Variants in NAA35 observed in about 807,000 individuals in gnomAD.
NAA35 encodes the protein MAK10 homolog, amino-acid N-acetyltransferase subunit.
A neutral mutation model predicts 101.7 loss-of-function variants in NAA35; 18 were observed. The observed-to-expected ratio is 0.18, with a 90% CI of 0.12 to 0.26. The LOEUF is 0.26. NAA35 is among the 10% of genes least tolerant of loss of function. The probability of loss-of-function intolerance (pLI) is 1.00; values close to 1 mark genes in which losing one functional copy is unlikely to be tolerated. For synonymous variants in NAA35, 267 were observed against 273.1 expected (o/e 0.98, Z 0.22); for missense variants, 601 against 886.8 (o/e 0.68, Z 4.09).
intron 3 of NAA35, among the ~76,000 whole-genome samples, chr9:85,957,369 C>G (rs1053312198): frequency 6.6e-6 from 1 of 152,132 alleles, no homozygotes; most frequent in Non-Finnish European, 1.5e-5. Flanking sequence ...GGAAGTTAGT[C>G]TTGCAGTCTC....
At chr9:85,955,549 G>C (rs186365752) in intron 2 of NAA35, among the ~76,000 whole-genome samples, 134 of 151,434 alleles carry the variant, frequency 8.8e-4, no homozygotes, top group African/African-American at 2.4e-3. Context: ...ATTTTTAGTA[G>C]AGATGGGGTT....
intron 21 of NAA35, among the ~76,000 whole-genome samples, chr9:86,020,425 C>A (rs994456687): frequency 2.0e-5 from 3 of 151,940 alleles, no homozygotes; most frequent in African/African-American, 7.3e-5. Flanking sequence ...GTAGCCATTT[C>A]AATTCAGAGT....
At chr9:85,980,459 A>G (rs1285656483) in intron 11 of NAA35, among the ~76,000 whole-genome samples, 1 of 152,090 alleles carries the variant, frequency 6.6e-6, no homozygotes, top group African/African-American at 2.4e-5. Context: ...CAGCACTCGG[A>G]GAGTCTAAGG....
chr9:85,962,091 G>T lies in NAA35; in HGVS notation c.427G>T (p.Asp143Tyr). The T allele has an allele frequency of 6.2e-7, 1 of 1,614,088 alleles. No individual in the cohort carries two copies. The highest frequency in any genetic ancestry group is 1.1e-5 in the South Asian group (1 of 91,086). Residue 143 changes from aspartate to tyrosine, a missense_variant, in exon 6 of 23, where the codon GAT becomes TAT. Physicochemically the swap from Asp to Tyr is radical, Grantham distance 160. This residue lies in a region of NAA35 where 86 missense variants were observed against 169.4 expected (regional missense o/e 0.51). Coordinates refer to ENST00000361671, the MANE Select transcript of NAA35 (RefSeq NM_024635.4). ...CATTCATAATCCAGACTTTATAGAA[G>T]ATCCTGCTATGAAGGCTTTTGCTCT... ...LYIHNPDFIE[D>Y]PAMKAFALGI... is the part of the protein sequence containing the mutation.
At chr9:85,956,868 G>A (rs1011541848) in intron 3 of NAA35, among the ~76,000 whole-genome samples, 6 of 152,150 alleles carry the variant, frequency 3.9e-5, no homozygotes, top group African/African-American at 1.4e-4. Flanking sequence ...GGGCAACTGC[G>A]TCTAGTGAGA....
At chr9:85,941,640 C>T (rs961508069) in intron 1 of NAA35, 12 of 986,434 alleles carry the variant, frequency 1.2e-5, no homozygotes, top group Non-Finnish European at 1.4e-5. Context: ...CGGCGGGACC[C>T]TGCGGTGCCT....
At chr9:85,946,933 A>G (rs1314466593) in intron 2 of NAA35, among the ~76,000 whole-genome samples, 2 of 152,098 alleles carry the variant, frequency 1.3e-5, no homozygotes, top group Non-Finnish European at 2.9e-5. Context: ...AAAACTTGGG[A>G]TTCTTAAGCT....
chr9:86,010,856 C>T (rs1014658586), intron 15 of NAA35, among the ~76,000 whole-genome samples: 5 of 151,354 alleles, frequency 3.3e-5, no homozygotes, highest in South Asian at 2.1e-4. Flanking sequence ...GGATTACAAG[C>T]GTGAGCCACC....
chr9:85,947,676 C>A (rs907573740), intron 2 of NAA35, among the ~76,000 whole-genome samples: 1 of 152,160 alleles, frequency 6.6e-6, no homozygotes, highest in Non-Finnish European at 1.5e-5. Context: ...AAGTACATGC[C>A]AGGTATACTG....
rs1179837402 is a variant in NAA35, at chr9:86,013,856, A to G, written c.1527A>G (p.Glu509=). The G allele has an allele frequency of 1.9e-6, 3 of 1,613,940 alleles. No individual in the cohort carries two copies. The highest frequency in any genetic ancestry group is 2.7e-5 in the African/African-American group (2 of 74,944). Residue 509 remains glutamate, a synonymous_variant, in exon 17 of 23, where the codon GAA becomes GAG. Transcript: ENST00000361671. ...IMIQYLLSGF[E]LELYSMHEYY... ...TACAGTACCTTCTAAGTGGCTTTGA[A>G]TTGGAACTCTACAGTATGCACGAGT...
chr9:86,013,414 AATATT>A (rs1564326764), intron 16 of NAA35, among the ~76,000 whole-genome samples: 1 of 152,184 alleles, frequency 6.6e-6, no homozygotes. Flanking sequence ...CATTATAAAA[AATATT>A]AATACATTAA....
At chr9:85,959,294 T>C (rs191366357) in intron 4 of NAA35, among the ~76,000 whole-genome samples, 82 of 149,678 alleles carry the variant, frequency 5.5e-4, no homozygotes, top group African/African-American at 2.0e-3. Context: ...GAGAATGGCG[T>C]GGACCCGGGA....
Position 86,010,130 on chromosome 9 carries a change from G to C in NAA35, c.1290+199G>C, listed in dbSNP as rs376361526. On this transcript the variant is annotated intron_variant, in intron 15 of 22. Coordinates refer to ENST00000361671, the MANE Select transcript of NAA35 (RefSeq NM_024635.4). Reference sequence around the variant, plus strand: ...GCGTATGGTGGCGCACGCCTGTAGTGCCAGCTACTCAGGAGCCTGAGGTGG... The same window carrying C: ...GCGTATGGTGGCGCACGCCTGTAGTCCCAGCTACTCAGGAGCCTGAGGTGG... Among the ~76,000 whole-genome samples the C allele has an allele frequency of 1.2e-3, 190 of 152,152 alleles. 4 individuals are homozygous for C. The South Asian group carries it at 0.033, about 27-fold the overall frequency.
At chr9:85,951,869 A>G (rs982574335) in intron 2 of NAA35, among the ~76,000 whole-genome samples, 5 of 152,204 alleles carry the variant, frequency 3.3e-5, no homozygotes, top group African/African-American at 1.2e-4. Flanking sequence ...CATGTTGGCC[A>G]GGCTGGTCTG....
At chr9:85,984,951 C>A (rs1830588696) in intron 11 of NAA35, among the ~76,000 whole-genome samples, 1 of 151,928 alleles carries the variant, frequency 6.6e-6, no homozygotes, top group South Asian at 2.1e-4. Context: ...TAATCTTACA[C>A]CCAGGTTAAA....
At chr9:85,987,204 T>C (rs1830685695) in intron 11 of NAA35, among the ~76,000 whole-genome samples, 1 of 152,210 alleles carries the variant, frequency 6.6e-6, no homozygotes, top group East Asian at 1.9e-4. Context: ...GGATTGATTG[T>C]TGGTTTTAAT....
intron 17 of NAA35, among the ~76,000 whole-genome samples, chr9:86,014,797 T>A (rs1445926172): frequency 1.3e-5 from 2 of 152,246 alleles, no homozygotes; most frequent in Non-Finnish European, 2.9e-5. Context: ...ACTATAGCAG[T>A]ATGAGAATAA....
chr9:85,979,390 T>TA (rs921346581), intron 11 of NAA35, among the ~76,000 whole-genome samples: 3 of 152,150 alleles, frequency 2.0e-5, no homozygotes, highest in Admixed American at 6.6e-5. Flanking sequence ...CTGAGAAAAG[T>TA]AAAAACTCCT....
intron 2 of NAA35, among the ~76,000 whole-genome samples, chr9:85,955,629 C>T (rs1829242826): frequency 6.6e-6 from 1 of 152,024 alleles, no homozygotes; most frequent in Non-Finnish European, 1.5e-5. Context: ...TCCCAAAGTG[C>T]TGGGATTACA....
Sources: allele counts gnomAD v4.1 joint callset (sites outside exome capture counted in the v4.1 genomes callset), GRCh38; gene constraint gnomAD v4.1.1; regional missense constraint gnomAD v4.1.1; transcripts MANE v1.5; gene names NCBI Gene and HGNC (gene_info 2026-07-23, HGNC 2026-07-21).